CHPT1: variants seen among roughly 807,000 people sequenced by gnomAD.
CHPT1 encodes cholinephosphotransferase 1.
CHPT1 carries 36 observed loss-of-function variants against 47.6 expected under a neutral mutation model. The ratio of observed to expected loss-of-function variants is 0.76; its 90% CI spans 0.58 to 1.00. The LOEUF is 1.00. CHPT1 is among the 50% of genes least tolerant of loss of function. CHPT1 has a pLI of 0.00. For missense variants in CHPT1, 458 were observed against 498.1 expected (o/e 0.92, Z 0.77); for synonymous variants, 194 against 186.3 (o/e 1.04, Z -0.33).
At chr12:101,717,439 A>T in intron 4 of CHPT1, 1 of 360,454 alleles carries the variant, frequency 2.8e-6, no homozygotes, top group Non-Finnish European at 5.5e-6. Context: ...TTCTGCTCAT[A>T]GTGTTAAGAA....
intron 4 of CHPT1, chr12:101,717,150 A>G: frequency 5.3e-6 from 2 of 376,828 alleles, no homozygotes; most frequent in Non-Finnish European, 1.0e-5. Flanking sequence ...TATTTTAAAA[A>G]TAAATCCAGT....
intron 4 of CHPT1, among the ~76,000 whole-genome samples, chr12:101,719,031 C>T (rs1013143634): frequency 1.3e-5 from 2 of 151,718 alleles, no homozygotes; most frequent in Non-Finnish European, 2.9e-5. Flanking sequence ...GTGATGGGCA[C>T]CTGTAATCCC....
chr12:101,725,220 A>T (rs1249469842), intron 7 of CHPT1, among the ~76,000 whole-genome samples: 3 of 152,122 alleles, frequency 2.0e-5, no homozygotes, highest in African/African-American at 7.2e-5. Context: ...ATTCATTCAT[A>T]GTCCATTCAG....
intron 1 of CHPT1, among the ~76,000 whole-genome samples, chr12:101,700,323 GAAAA>G (rs5800482): frequency 8.7e-4 from 115 of 132,704 alleles, no homozygotes; most frequent in African/African-American, 2.9e-3. Flanking sequence ...AGCCTCATGT[GAAAA>G]AAAAAAAAAA....
intron 1 of CHPT1, among the ~76,000 whole-genome samples, chr12:101,707,112 G>A (rs77025692): frequency 0.012 from 1,804 of 152,302 alleles, 43 homozygotes; most frequent in African/African-American, 0.04. Context: ...CTGGAGATAG[G>A]TAGGTTTGTG....
intron 4 of CHPT1, among the ~76,000 whole-genome samples, chr12:101,717,711 TAGTA>T (rs1951786444): frequency 6.6e-6 from 1 of 151,954 alleles, no homozygotes; most frequent in African/African-American, 2.4e-5. Flanking sequence ...CTAGTAAAAA[TAGTA>T]AGTGATACAA....
At chr12:101,713,138 G>A (rs979981575) in intron 1 of CHPT1, among the ~76,000 whole-genome samples, 1 of 148,564 alleles carries the variant, frequency 6.7e-6, no homozygotes, top group East Asian at 2.0e-4. Context: ...CTGCTGGTAA[G>A]GCAGTACACT....
chr12:101,698,217 C>G, intron 1 of CHPT1, 83 bp downstream of exon 1: 1 of 1,355,532 alleles, frequency 7.4e-7, no homozygotes, highest in Non-Finnish European at 9.4e-7. Context: ...GGCGGACCCA[C>G]GCGCGGCTGA....
In CHPT1 at chr12:101,714,671, T is replaced by C. The variant is rs751899885; in HGVS notation, c.563+26T>C. ...GTAAGTATGCTTTTTAAGTTGTACA[T>C]TAAAAAATATAATTGAATTCATTTG... On this transcript the variant is annotated intron_variant, in intron 3 of 8. Coordinates refer to ENST00000229266, the MANE Select transcript of CHPT1 (RefSeq NM_020244.3). 6 of 1,580,836 alleles carry C rather than the reference T, an allele frequency of 3.8e-6. No homozygotes were observed. In the Admixed American group the frequency reaches 1.2e-4, roughly 31 times the overall value.
intron 1 of CHPT1, among the ~76,000 whole-genome samples, chr12:101,698,490 T>C (rs11110967): frequency 0.81 from 122,710 of 152,266 alleles, 49,779 homozygotes; most frequent in African/African-American, 0.9. Context: ...GGTCGGGTGC[T>C]TTGCACACTG....
Position 101,708,665 on chromosome 12 carries a change from T to TAA in CHPT1, c.274-5425_274-5424insAA, listed in dbSNP as rs1566037087. The stretch of plus-strand genomic sequence containing the variant: ...CTCTGTTGCCCCAGCTGGAGTGCAG[T>TAA]GGCTCACTTCAACCTCTGCCTCCTG... On this transcript the variant is annotated intron_variant, in intron 1 of 8. Transcript: ENST00000229266. Among the ~76,000 whole-genome samples, 8 of 150,086 alleles carry TAA rather than the reference T, an allele frequency of 5.3e-5. 2 individuals are homozygous for TAA. The highest frequency in any genetic ancestry group is 2.0e-4 in the East Asian group (1 of 5,096).
chr12:101,717,568 A>G (rs559296731), intron 4 of CHPT1, among the ~76,000 whole-genome samples: 1 of 152,306 alleles, frequency 6.6e-6, no homozygotes, highest in East Asian at 1.9e-4. Flanking sequence ...TATAAAATAG[A>G]TATTATTAGT....
chr12:101,713,973 G>A (rs1451531279), intron 1 of CHPT1, 117 bp from the exon 2 acceptor site: 1 of 599,824 alleles, frequency 1.7e-6, no homozygotes, highest in East Asian at 2.8e-5. Context: ...TAGAATGAGG[G>A]TTAGAAATGT....
Position 101,698,097 on chromosome 12 carries a change from T to C in CHPT1, c.236T>C (p.Leu79Pro). The change falls in exon 1 of 9, where the codon CTC becomes CCC. Residue 79 changes from leucine to proline, a missense_variant. Transcript: ENST00000229266. ...CTCGCCGTCAACGTGGTCACCACGC[T>C]CGTGCTCATCTCCTACTGTCCCACG... is the stretch of plus-strand genomic sequence containing the variant. ...LGLAVNVVTT[L>P]VLISYCPTAT... 6.4e-7 allele frequency: 1 copy of C among 1,554,874 alleles called. No individual in the cohort carries two copies. The highest frequency in any genetic ancestry group is 1.8e-5 in the Admixed American group (1 of 54,702).
chr12:101,728,541 G>T, intron 8 of CHPT1: 1 of 191,160 alleles, frequency 5.2e-6, no homozygotes, highest in African/African-American at 2.4e-5. Context: ...AGAAAAGGAT[G>T]TACATGTAAA....
At chr12:101,726,463 A>G in intron 8 of CHPT1, 59 bp downstream of exon 8, 1 of 1,588,474 alleles carries the variant, frequency 6.3e-7, no homozygotes, top group Non-Finnish European at 8.6e-7. Flanking sequence ...AAGTTAGGGG[A>G]ATCTATGAGT....
rs1952060936 is a variant in CHPT1, at chr12:101,729,024, T to A, written c.*79T>A. ...TATTAAACATTTGTTTAATTTTTAT[T>A]TAAGTGTTATACCTATTTCAGCAAA... On this transcript the variant is annotated 3_prime_UTR_variant, in exon 9 of 9. Coordinates refer to ENST00000229266, the MANE Select transcript of CHPT1 (RefSeq NM_020244.3). 1 of 1,611,944 alleles carries A rather than the reference T, an allele frequency of 6.2e-7. No individual in the cohort carries two copies. The highest frequency in any genetic ancestry group is 8.5e-7 in the Non-Finnish European group (1 of 1,178,476).
intron 1 of CHPT1, among the ~76,000 whole-genome samples, chr12:101,699,239 C>T (rs1396144934): frequency 6.6e-6 from 1 of 152,122 alleles, no homozygotes; most frequent in African/African-American, 2.4e-5. Context: ...AGGCGCGTGC[C>T]ACCACGGCCG....
rs1476362410 is a variant in CHPT1, at chr12:101,699,391, C to T, written c.273+1257C>T. 4.8e-3 allele frequency among the ~76,000 whole-genome samples: 663 copies of T among 136,878 alleles called. 11 individuals are homozygous for T. Among genetic ancestry groups the T allele is most frequent in the African/African-American group, 0.017 (610 of 35,948 alleles). The allele number at this position is 136,878 out of a possible 152,430, so 89.8% of individuals were successfully genotyped here. Reference sequence around the variant, plus strand: ...GGTATGCTTATTATGTATTTCTTTTCTTTTTTTTTTTTTTGAGACAGAGTC... The same window carrying T: ...GGTATGCTTATTATGTATTTCTTTTTTTTTTTTTTTTTTTGAGACAGAGTC... On this transcript the variant is annotated intron_variant, in intron 1 of 8. Transcript: ENST00000229266.
Sources: gnomAD v4.1 joint callset for allele counts (sites outside exome capture counted in the v4.1 genomes callset) on GRCh38, gnomAD v4.1.1 for gene constraint, MANE v1.5 for transcripts, NCBI Gene and HGNC (gene_info 2026-07-23, HGNC 2026-07-21) for gene names.